IGSF10: variants seen among roughly 807,000 people sequenced by gnomAD.
IGSF10 encodes immunoglobulin superfamily member 10, also known as calvaria mechanical force protein 608.
In IGSF10, 126 loss-of-function variants were observed where a neutral mutation model predicts 128.2. The observed-to-expected ratio is 0.98, with a 90% CI of 0.85 to 1.14. IGSF10 has a LOEUF of 1.14. Ranked by LOEUF, IGSF10 falls within the 50% of genes most tolerant of loss-of-function variation. The pLI, the probability that IGSF10 is intolerant of heterozygous loss-of-function variation, is 0.00. For synonymous variants in IGSF10, 1,185 were observed against 1,146.2 expected, an observed-to-expected ratio of 1.03 and a Z score of -0.68; for missense variants, 3,295 against 3,149.8, an observed-to-expected ratio of 1.05 and a Z score of -1.10.
rs775700305 is a variant in IGSF10, at chr3:151,445,852, G to A, written c.4129C>T (p.Pro1377Ser). 9 of 1,614,104 alleles carry A rather than the reference G, an allele frequency of 5.6e-6. No homozygotes were observed. In the East Asian group the frequency reaches 1.3e-4, roughly 24 times the overall value. Residue 1377 changes from proline (P) to serine (S), a missense_variant, in exon 6 of 8, where the codon CCT (proline) becomes TCT (serine). Pro to Ser is a moderately conservative substitution (Grantham distance 74). Coordinates refer to ENST00000282466, the MANE Select transcript of IGSF10 (RefSeq NM_178822.5). ...GFTTPTAMTP[P>S]VLTTAETSVK... is the part of the protein sequence containing the mutation. ...GAAGTTTCGGCTGTGGTTAGAACAGGAGGTGTCATAGCAGTGGGTGTAGTG... is the reference window on the plus strand; with the variant it reads ...GAAGTTTCGGCTGTGGTTAGAACAGAAGGTGTCATAGCAGTGGGTGTAGTG...
the IGSF10 span, among the ~76,000 whole-genome samples, chr3:151,477,708 A>C: frequency 6.6e-6 from 1 of 152,212 alleles, no homozygotes; most frequent in African/African-American, 2.4e-5. Context: ...AATTTAATAC[A>C]TTCTGAGAAT....
chr3:151,476,808 C>G, the IGSF10 span, among the ~76,000 whole-genome samples: 4 of 152,172 alleles, frequency 2.6e-5, no homozygotes, highest in Non-Finnish European at 5.9e-5. Context: ...ATTTCATGAG[C>G]ATTTTCTAAG....
At chr3:151,520,271 T>A in the IGSF10 span, among the ~76,000 whole-genome samples, 2 of 151,882 alleles carry the variant, frequency 1.3e-5, no homozygotes, top group African/African-American at 4.8e-5. Flanking sequence ...GCAGAGGTCA[T>A]AACTGTTAAC....
rs1299974573 is a variant in IGSF10, at chr3:151,447,254, C to T, written c.2727G>A (p.Met909Ile). The T allele has an allele frequency of 1.2e-5, 19 of 1,614,212 alleles. No homozygotes were observed. Among genetic ancestry groups the T allele is most frequent in the Non-Finnish European group, 1.5e-5 (18 of 1,180,032 alleles). Reference protein sequence around the residue: ...GATEFQDSDQMGRGREHFQSR... With the variant: ...GATEFQDSDQIGRGREHFQSR... ...TTTGGAAATGCTCTCTTCCTCTTCCCATCTGGTCAGAGTCCTGAAATTCAG... is the reference window on the plus strand; with the variant it reads ...TTTGGAAATGCTCTCTTCCTCTTCCTATCTGGTCAGAGTCCTGAAATTCAG... Residue 909 changes from methionine (M) to isoleucine (I), a missense_variant, in exon 6 of 8, where the codon ATG becomes ATA. Met to Ile is a conservative substitution (Grantham distance 10). Coordinates refer to ENST00000282466, the MANE Select transcript of IGSF10 (RefSeq NM_178822.5).
the IGSF10 span, among the ~76,000 whole-genome samples, chr3:151,562,871 A>C: frequency 1.3e-5 from 2 of 152,248 alleles, no homozygotes; most frequent in African/African-American, 4.8e-5. Context: ...TCGGATGGAC[A>C]GGAAAAGTGC....
upstream of IGSF10, chr3:151,461,293 T>C: frequency 1.0e-6 from 1 of 985,396 alleles, no homozygotes; most frequent in Non-Finnish European, 1.2e-6. Context: ...GTTCATTTCC[T>C]CCTTGACCTC....
the IGSF10 span, among the ~76,000 whole-genome samples, chr3:151,469,592 T>TGTA: frequency 6.6e-6 from 1 of 152,172 alleles, no homozygotes; most frequent in South Asian, 2.1e-4. Flanking sequence ...AACTCAGGCC[T>TGTA]GTAATACCCC....
At chr3:151,520,565 G>A in the IGSF10 span, among the ~76,000 whole-genome samples, 1 of 151,742 alleles carries the variant, frequency 6.6e-6, no homozygotes, top group Non-Finnish European at 1.5e-5. Context: ...GAAGAGAGTG[G>A]GGGCCTATAT....
chr3:151,443,910 G>C, intron 6 of IGSF10, 26 bp from the exon 7 acceptor site: 2 of 1,518,512 alleles, frequency 1.3e-6, no homozygotes, highest in Non-Finnish European at 1.8e-6. Flanking sequence ...GAAAATTATT[G>C]CTACGGGTCA....
At chr3:151,520,113 G>C in the IGSF10 span, among the ~76,000 whole-genome samples, 1 of 151,506 alleles carries the variant, frequency 6.6e-6, no homozygotes. Flanking sequence ...TGAAAAAAAA[G>C]TGGTAGCTTA....
chr3:151,504,926 T>C, the IGSF10 span, among the ~76,000 whole-genome samples: 1 of 152,244 alleles, frequency 6.6e-6, no homozygotes, highest in Non-Finnish European at 1.5e-5. Context: ...TCATTGTCCA[T>C]ATCACCATCA....
At chr3:151,453,308 C>G in intron 5 of IGSF10, 76 bp downstream of exon 5, 1 of 1,176,160 alleles carries the variant, frequency 8.5e-7, no homozygotes, top group Non-Finnish European at 1.2e-6. Flanking sequence ...ACCCTGGGCT[C>G]TCCACTTCCT....
At chr3:151,495,221 A>C in the IGSF10 span, among the ~76,000 whole-genome samples, 1 of 152,176 alleles carries the variant, frequency 6.6e-6, no homozygotes. Context: ...ATCATTCCAA[A>C]GCTGCAACCT....
the IGSF10 span, among the ~76,000 whole-genome samples, chr3:151,505,742 C>T: frequency 2.0e-5 from 3 of 152,028 alleles, no homozygotes; most frequent in Non-Finnish European, 2.9e-5. Context: ...TATTAATATG[C>T]AGAAGTTTCT....
chr3:151,532,718 A>T, the IGSF10 span, among the ~76,000 whole-genome samples: 2 of 152,218 alleles, frequency 1.3e-5, no homozygotes, highest in South Asian at 4.1e-4. Flanking sequence ...AGCCAATATC[A>T]TACTGAATGG....
At chr3:151,463,829 A>G (rs1173500517), upstream of IGSF10, among the ~76,000 whole-genome samples, 1 of 152,076 alleles carries the variant, frequency 6.6e-6, no homozygotes, top group Non-Finnish European at 1.5e-5. Context: ...CTACAAAAAT[A>G]CAAAAAAAGC....
At chr3:151,541,898 C>A in the IGSF10 span, among the ~76,000 whole-genome samples, 1 of 152,088 alleles carries the variant, frequency 6.6e-6, no homozygotes. Flanking sequence ...AAGCAACTTT[C>A]CTTAGAAAGG....
chr3:151,543,610 C>T, the IGSF10 span, among the ~76,000 whole-genome samples: 1 of 152,192 alleles, frequency 6.6e-6, no homozygotes, highest in Non-Finnish European at 1.5e-5. Context: ...GAACAAAAGC[C>T]ATGACCAGTC....
the IGSF10 span, among the ~76,000 whole-genome samples, chr3:151,596,865 G>T: frequency 6.6e-6 from 1 of 152,174 alleles, no homozygotes; most frequent in East Asian, 1.9e-4. Context: ...GTTTGAAATC[G>T]CAAGCAAGGT....
Sources: gnomAD v4.1 joint callset for allele counts (sites outside exome capture counted in the v4.1 genomes callset) on GRCh38, gnomAD v4.1.1 for gene constraint, MANE v1.5 for transcripts, NCBI Gene and HGNC (gene_info 2026-07-23, HGNC 2026-07-21) for gene names.